The following APBA2 variants were observed in gnomAD, a reference collection of about 807,000 sequenced individuals.
APBA2 encodes amyloid-beta A4 precursor protein-binding family A member 2.
In APBA2, 30 loss-of-function variants were observed where a neutral mutation model predicts 75.0. The ratio of observed to expected loss-of-function variants is 0.40; its 90% CI spans 0.30 to 0.54. The LOEUF is 0.54. APBA2 is among the 20% of genes least tolerant of loss of function. The pLI is 0.49. For synonymous variants in APBA2, 444 were observed against 409.6 expected (o/e 1.08, Z -1.01); for missense variants, 801 against 1,016.1 (o/e 0.79, Z 2.88).
rs373385099 is a variant in APBA2, at chr15:29,093,267, G to T, written c.1215+47G>T. On this transcript the variant is annotated intron_variant, in intron 7 of 14. Transcript: ENST00000683413. The stretch of plus-strand genomic sequence containing the variant: ...CTCGCGGATGCCCGCACACTTTGGG[G>T]GGCACTAGCAGGAGGGAATATGGCG... The T allele has an allele frequency of 6.2e-6, 10 of 1,609,740 alleles. No homozygotes were observed. The East Asian group carries it at 1.8e-4, about 29-fold the overall frequency.
intron 11 of APBA2, 140 bp from the exon 12 acceptor site, chr15:29,106,467 C>T: frequency 1.0e-6 from 1 of 976,274 alleles, no homozygotes; most frequent in Non-Finnish European, 1.6e-6. Context: ...AAGACCTCTC[C>T]TGGCTGAGAT....
intron 3 of APBA2, among the ~76,000 whole-genome samples, chr15:29,039,562 T>TC (rs977121923): frequency 6.6e-6 from 1 of 152,030 alleles, no homozygotes; most frequent in African/African-American, 2.4e-5. Flanking sequence ...TGGGGCAGGA[T>TC]CCAGGAATTG....
At position 28,929,137 on chromosome 15, in the gene APBA2, T is replaced by C. The variant is rs2034432072; in HGVS notation, c.-95+7388T>C. ...GGAAACTCCAATCCTTCCCCTGCTT[T>C]GATTTTCCTGTTACCCTAACCGGGA... On this transcript the variant is annotated intron_variant, in intron 2 of 14. Coordinates refer to ENST00000683413, the MANE Select transcript of APBA2 (RefSeq NM_001353788.2). Among the ~76,000 whole-genome samples the C allele has an allele frequency of 3.3e-5, 5 of 152,310 alleles. No individual in the cohort carries two copies. In the South Asian group the frequency reaches 1.0e-3, roughly 32 times the overall value.
At position 29,046,037 on chromosome 15, in the gene APBA2, T is replaced by G. The variant is rs2041310257; in HGVS notation, c.-40-7808T>G. On this transcript the variant is annotated intron_variant, in intron 3 of 14. Coordinates refer to ENST00000683413, the MANE Select transcript of APBA2 (RefSeq NM_001353788.2). The surrounding 1 kb of genome is among the most constrained non-coding windows in gnomAD (Gnocchi z 5.0). ...ATTCTTTGACCAGACGTTTTGAGAG[T>G]CTGGCAGCCCGGAAAGGTGGGATTT... Among the ~76,000 whole-genome samples the G allele has an allele frequency of 6.6e-6, 1 of 152,080 alleles. No individual in the cohort carries two copies.
intron 2 of APBA2, among the ~76,000 whole-genome samples, chr15:28,944,619 T>C (rs1215132726): frequency 1.3e-5 from 2 of 152,246 alleles, no homozygotes; most frequent in African/African-American, 4.8e-5. Context: ...CTGTGCCTTT[T>C]ATAACCTGGT....
At chr15:28,927,856 C>T (rs187536890) in intron 2 of APBA2, among the ~76,000 whole-genome samples, 82 of 151,576 alleles carry the variant, frequency 5.4e-4, no homozygotes, top group African/African-American at 2.0e-3. Flanking sequence ...TAATAGGTTC[C>T]TTTTGGGCTG....
chr15:29,039,484 C>T (rs1297338688), intron 3 of APBA2, among the ~76,000 whole-genome samples: 1 of 152,138 alleles, frequency 6.6e-6, no homozygotes, highest in Admixed American at 6.5e-5. Flanking sequence ...GGTTCTCAGC[C>T]TTGGCTGCAT....
intron 14 of APBA2, among the ~76,000 whole-genome samples, chr15:29,115,006 CTGTGTG>C (rs145082040): frequency 6.7e-6 from 1 of 149,906 alleles, no homozygotes; most frequent in South Asian, 2.1e-4. Context: ...GTGGGTGTGT[CTGTGTG>C]TGTGTAGGGG....
At chr15:29,092,975 A>G (rs2152951797) in intron 6 of APBA2, 100 bp from the exon 7 acceptor site, 2 of 1,515,754 alleles carry the variant, frequency 1.3e-6, no homozygotes, top group Middle Eastern at 1.7e-4. Flanking sequence ...TTTGCCCCGC[A>G]TCCTGGCTGC....
intron 3 of APBA2, among the ~76,000 whole-genome samples, chr15:29,002,841 C>A (rs139157754): frequency 6.6e-6 from 1 of 152,160 alleles, no homozygotes; most frequent in Non-Finnish European, 1.5e-5. Context: ...ACGAAGAGTG[C>A]ACCCTGGGGA....
intron 2 of APBA2, among the ~76,000 whole-genome samples, chr15:28,923,985 A>G (rs1353329351): frequency 2.0e-5 from 3 of 152,214 alleles, no homozygotes. Flanking sequence ...TTTCAAGAGA[A>G]GATGCAGAAA....
intron 2 of APBA2, among the ~76,000 whole-genome samples, chr15:28,922,295 C>T (rs996456111): frequency 4.6e-5 from 7 of 152,158 alleles, no homozygotes; most frequent in Non-Finnish European, 1.5e-5. Flanking sequence ...CTTGCCTTGA[C>T]CCAGGTAGCC....
chr15:28,938,821 T>A (rs148134533), intron 2 of APBA2, among the ~76,000 whole-genome samples: 5 of 152,322 alleles, frequency 3.3e-5, no homozygotes, highest in Non-Finnish European at 7.4e-5. Context: ...CATGTGGTAT[T>A]TTAATATAAG....
At chr15:28,952,363 C>G (rs989552824) in intron 2 of APBA2, among the ~76,000 whole-genome samples, 4 of 151,720 alleles carry the variant, frequency 2.6e-5, no homozygotes, top group African/African-American at 9.7e-5. Context: ...GACCTTGTCT[C>G]TACAAAAAAA....
intron 4 of APBA2, among the ~76,000 whole-genome samples, chr15:29,066,726 C>T (rs1182025092): frequency 6.6e-6 from 1 of 151,976 alleles, no homozygotes; most frequent in Non-Finnish European, 1.5e-5. Flanking sequence ...TGTATACTTA[C>T]CACAATAAAA....
At chr15:28,935,658 C>T (rs2034820932) in intron 2 of APBA2, among the ~76,000 whole-genome samples, 1 of 152,192 alleles carries the variant, frequency 6.6e-6, no homozygotes, top group South Asian at 2.1e-4. Context: ...CAAGCCCTCC[C>T]CTCAGCCTCT....
At chr15:29,037,234 T>C (rs1336929180) in intron 3 of APBA2, among the ~76,000 whole-genome samples, 1 of 152,150 alleles carries the variant, frequency 6.6e-6, no homozygotes, top group African/African-American at 2.4e-5. Context: ...CATTTGAATT[T>C]CATGTTTACC....
chr15:29,029,823 C>A (rs2040397459), intron 3 of APBA2, among the ~76,000 whole-genome samples: 1 of 152,160 alleles, frequency 6.6e-6, no homozygotes. Context: ...CAATAGGCCA[C>A]CCTCTGGAGT....
rs1430634623 is a variant in APBA2 at position 29,052,313 on chromosome 15, G to A, written c.-40-1532G>A. Among the ~76,000 whole-genome samples the A allele has an allele frequency of 2.4e-4, 36 of 151,944 alleles. 1 individual carries two copies. Among genetic ancestry groups the A allele is most frequent in the Non-Finnish European group, 5.9e-5 (4 of 67,982 alleles). On this transcript the variant is annotated intron_variant, in intron 3 of 14. Transcript: ENST00000683413. ...TACTAAAAATACGAAAAATTAGCTCGGCATGGTGGGGGACACCTGTAGTCC... is the reference window on the plus strand; with the variant it reads ...TACTAAAAATACGAAAAATTAGCTCAGCATGGTGGGGGACACCTGTAGTCC...
Sources: allele counts gnomAD v4.1 joint callset (sites outside exome capture counted in the v4.1 genomes callset), GRCh38; gene constraint gnomAD v4.1.1; non-coding constraint Gnocchi (gnomAD v3.1); transcripts MANE v1.5; gene names NCBI Gene and HGNC (gene_info 2026-07-23, HGNC 2026-07-21).